The following ANO3 variants were observed in gnomAD, a reference collection of about 807,000 sequenced individuals.
The protein encoded by ANO3 is anoctamin 3.
Under a neutral mutation model 144.8 loss-of-function variants are expected in ANO3, and 99 were observed. The observed-to-expected ratio is 0.68, with a 90% CI of 0.58 to 0.81. ANO3 has a LOEUF of 0.81. ANO3 is among the 30% of genes least tolerant of loss of function. The probability of loss-of-function intolerance (pLI) is 0.00; values close to 1 mark genes in which losing one functional copy is unlikely to be tolerated. For missense variants in ANO3, 905 were observed against 1,202.2 expected (o/e 0.75, Z 3.66); for synonymous variants, 414 against 392.6 (o/e 1.05, Z -0.64).
At chr11:26,452,361 T>G (rs1858977181) in intron 3 of ANO3, among the ~76,000 whole-genome samples, 1 of 152,072 alleles carries the variant, frequency 6.6e-6, no homozygotes, top group Non-Finnish European at 1.5e-5. Context: ...ATAACTAGAA[T>G]AACCAATACA....
intron 5 of ANO3, chr11:26,508,774 C>T (rs1861533402): frequency 6.7e-6 from 1 of 150,148 alleles, no homozygotes; most frequent in South Asian, 2.1e-4. Context: ...ATCCTAGTAT[C>T]AGAGAAAATT....
intron 1 of ANO3, among the ~76,000 whole-genome samples, chr11:26,369,402 T>C (rs1856186187): frequency 6.6e-6 from 1 of 152,164 alleles, no homozygotes; most frequent in Non-Finnish European, 1.5e-5. Flanking sequence ...CTCCTTCTCC[T>C]CCTTCCCCTA....
chr11:26,213,621 TAAG>T (rs1851979193), intron 1 of ANO3, among the ~76,000 whole-genome samples: 1 of 152,004 alleles, frequency 6.6e-6, no homozygotes, highest in Admixed American at 6.6e-5. Context: ...CTCAAGGAAA[TAAG>T]AGAGGACGCA....
At chr11:26,451,339 A>T (rs1281312155) in intron 3 of ANO3, among the ~76,000 whole-genome samples, 1 of 152,176 alleles carries the variant, frequency 6.6e-6, no homozygotes, top group Non-Finnish European at 1.5e-5. Context: ...AGTCAAAGAA[A>T]GGGGTGATGG....
rs1554987387 is a variant in ANO3, at chr11:26,662,315, C to CCA, written c.*1872_*1873insAC. ...CAGATTCCAGAGAGGTTCTCATGCT[C>CCA]CCCCCCCTCCTTATTTGTAGCAATC... On this transcript the variant is annotated 3_prime_UTR_variant, in exon 27 of 27. Transcript: ENST00000256737. 4,718 of 66,378 alleles carry CCA rather than the reference C, an allele frequency of 0.071. 102 individuals are homozygous for CCA. Among genetic ancestry groups the CCA allele is most frequent in the Non-Finnish European group, 0.13 (3,340 of 26,380 alleles). The allele number at this position is 66,378 out of a possible 1,614,324, so 4.1% of individuals were successfully genotyped here. A position where few individuals can be genotyped will look rare whatever the true frequency, so the allele number is the denominator to read the frequency against.
At chr11:26,483,357 T>A (rs1179659807) in intron 4 of ANO3, among the ~76,000 whole-genome samples, 1 of 152,174 alleles carries the variant, frequency 6.6e-6, no homozygotes, top group African/African-American at 2.4e-5. Flanking sequence ...CCAAATCGCA[T>A]GTTGAAATGT....
intron 10 of ANO3, among the ~76,000 whole-genome samples, chr11:26,541,042 A>G (rs1271924870): frequency 6.6e-6 from 1 of 152,204 alleles, no homozygotes; most frequent in Non-Finnish European, 1.5e-5. Flanking sequence ...ACTTGGAACC[A>G]ATCCAAATGC....
At chr11:26,647,513 G>A (rs1439770008) in intron 23 of ANO3, among the ~76,000 whole-genome samples, 196 bp from the exon 24 acceptor site, 2 of 152,136 alleles carry the variant, frequency 1.3e-5, no homozygotes, top group Non-Finnish European at 2.9e-5. Flanking sequence ...CTTTCTAGAC[G>A]AGATATATCT....
chr11:26,221,035 G>A (rs972388246), intron 1 of ANO3, among the ~76,000 whole-genome samples: 5 of 152,194 alleles, frequency 3.3e-5, no homozygotes, highest in Admixed American at 1.3e-4. Context: ...TCTCATTTAT[G>A]AGGGTCATGT....
At chr11:26,545,354 T>G (rs1849759392) in intron 11 of ANO3, among the ~76,000 whole-genome samples, 1 of 152,076 alleles carries the variant, frequency 6.6e-6, no homozygotes. Flanking sequence ...CAATTCCTTT[T>G]GTATATAAAT....
At chr11:26,399,744 G>A (rs536605249) in intron 1 of ANO3, among the ~76,000 whole-genome samples, 1 of 151,748 alleles carries the variant, frequency 6.6e-6, no homozygotes, top group South Asian at 2.1e-4. Context: ...CCCCTTTCCT[G>A]CACCTCCAAC....
intron 4 of ANO3, among the ~76,000 whole-genome samples, chr11:26,482,424 A>ATGTGTG (rs1370380037): frequency 9.1e-6 from 1 of 109,720 alleles, no homozygotes; most frequent in South Asian, 3.4e-4. Context: ...GAACACAGAT[A>ATGTGTG]TATGTGTGTG....
At chr11:26,212,511 T>G (rs1011904597) in intron 1 of ANO3, among the ~76,000 whole-genome samples, 1 of 151,952 alleles carries the variant, frequency 6.6e-6, no homozygotes, top group African/African-American at 2.4e-5. Flanking sequence ...AATACCTCTA[T>G]GCAAATAAAC....
At chr11:26,309,426 T>C (rs1854457249), upstream of ANO3, among the ~76,000 whole-genome samples, 1 of 152,168 alleles carries the variant, frequency 6.6e-6, no homozygotes, top group African/African-American at 2.4e-5. Context: ...TAACAGTGAA[T>C]AGAACCTACC....
chr11:26,245,018 T>TGTGTGTGTGCGCGTGC (rs151031559), intron 1 of ANO3, among the ~76,000 whole-genome samples: 5 of 145,426 alleles, frequency 3.4e-5, no homozygotes, highest in African/African-American at 1.3e-4. Flanking sequence ...TGTGTGTGTG[T>TGTGTGTGTGCGCGTGC]GTGCATGCAT....
At chr11:26,283,401 G>A (rs1236408564) in intron 1 of ANO3, among the ~76,000 whole-genome samples, 1 of 139,452 alleles carries the variant, frequency 7.2e-6, no homozygotes, top group Non-Finnish European at 1.5e-5. Flanking sequence ...AGGTCCAGGG[G>A]AAACGAGTAA....
intron 17 of ANO3, among the ~76,000 whole-genome samples, chr11:26,606,394 G>A (rs1463144900): frequency 6.6e-6 from 1 of 152,182 alleles, no homozygotes; most frequent in Non-Finnish European, 1.5e-5. Context: ...TGAGAAGGAT[G>A]TATATTCTGT....
chr11:26,601,226 T>C (rs1294530738), intron 17 of ANO3, among the ~76,000 whole-genome samples: 1 of 152,202 alleles, frequency 6.6e-6, no homozygotes, highest in African/African-American at 2.4e-5. Flanking sequence ...GTTGGTATTA[T>C]AGATAGATAA....
intron 4 of ANO3, among the ~76,000 whole-genome samples, chr11:26,471,572 A>C (rs1404068538): frequency 1.3e-5 from 2 of 151,784 alleles, no homozygotes; most frequent in Non-Finnish European, 2.9e-5. Flanking sequence ...ATAAGCAGCA[A>C]CACCACCACC....
Sources: allele counts gnomAD v4.1 joint callset (sites outside exome capture counted in the v4.1 genomes callset), GRCh38; gene constraint gnomAD v4.1.1; transcripts MANE v1.5; gene names NCBI Gene and HGNC (gene_info 2026-07-23, HGNC 2026-07-21).